The following NSUN6 variants were observed in gnomAD, a reference collection of about 807,000 sequenced individuals.
The protein encoded by NSUN6 is tRNA (cytosine(72)-C(5))-methyltransferase NSUN6.
A neutral mutation model predicts 58.0 loss-of-function variants in NSUN6; 64 were observed. That is an observed-to-expected ratio of 1.10 (90% CI 0.90 to 1.36). The LOEUF is 1.36. NSUN6 is among the 40% of genes most tolerant of loss of function. The probability of loss-of-function intolerance (pLI) is 0.00; values close to 1 mark genes in which losing one functional copy is unlikely to be tolerated. For synonymous variants in NSUN6, 231 were observed against 193.9 expected, an observed-to-expected ratio of 1.19 and a Z score of -1.59; for missense variants, 701 against 550.1, an observed-to-expected ratio of 1.27 and a Z score of -2.74.
chr10:18,616,007 T>C (rs1253345050), intron 4 of NSUN6, among the ~76,000 whole-genome samples, 177 bp downstream of exon 4: 1 of 151,562 alleles, frequency 6.6e-6, no homozygotes, highest in East Asian at 1.9e-4. Flanking sequence ...TCAGAAAACC[T>C]TATATGATGA....
intron 3 of NSUN6, among the ~76,000 whole-genome samples, chr10:18,619,050 G>A (rs1766239158): frequency 6.6e-6 from 1 of 152,132 alleles, no homozygotes; most frequent in African/African-American, 2.4e-5. Context: ...TGCCAGAGAG[G>A]TCTATTTGTT....
intron 7 of NSUN6, among the ~76,000 whole-genome samples, chr10:18,591,324 T>A (rs1162556886): frequency 1.3e-5 from 2 of 152,182 alleles, no homozygotes; most frequent in African/African-American, 4.8e-5. Context: ...GCTGGCACCA[T>A]TCCTTCTGAA....
chr10:18,548,416 G>C (rs1412590909), intron 9 of NSUN6, among the ~76,000 whole-genome samples, 179 bp from the exon 10 acceptor site: 1 of 152,110 alleles, frequency 6.6e-6, no homozygotes, highest in South Asian at 2.1e-4. Flanking sequence ...GCCTAGACTA[G>C]GTGCATTTCA....
intron 8 of NSUN6, among the ~76,000 whole-genome samples, chr10:18,571,730 A>ATTCCATTCCCTATTCCATTCCG (rs2056377424): frequency 6.7e-6 from 1 of 149,726 alleles, no homozygotes; most frequent in Non-Finnish European, 1.5e-5. Flanking sequence ...ATTCCATTCC[A>ATTCCATTCCCTATTCCATTCCG]CATTCCATTC....
At chr10:18,650,031 A>G (rs2059658523) in intron 1 of NSUN6, among the ~76,000 whole-genome samples, 1 of 152,204 alleles carries the variant, frequency 6.6e-6, no homozygotes, top group Non-Finnish European at 1.5e-5. Context: ...AAAGATTTCA[A>G]AAAAAACAAA....
Position 18,626,036 on chromosome 10 carries a change from G to C in NSUN6, c.312-9743C>G, listed in dbSNP as rs114134421. Among the ~76,000 whole-genome samples the C allele has an allele frequency of 4.9e-3, 752 of 152,216 alleles. 4 individuals carry two copies. The highest frequency in any genetic ancestry group is 0.017 in the African/African-American group (723 of 41,522). ...CAGGCAGACATTCTCAATCAAGAAA[G>C]TAACGCAGTACGTAAGAGTCACACT... On this transcript the variant is annotated intron_variant, in intron 3 of 10. Transcript: ENST00000377304.
chr10:18,601,783 C>A (rs566629672), intron 6 of NSUN6, among the ~76,000 whole-genome samples: 2 of 152,014 alleles, frequency 1.3e-5, no homozygotes, highest in Admixed American at 6.5e-5. Context: ...GAGTTCGAGA[C>A]CAACCTGGCC....
chr10:18,648,298 A>G (rs1330601721), intron 2 of NSUN6, among the ~76,000 whole-genome samples, 192 bp downstream of exon 2: 1 of 152,234 alleles, frequency 6.6e-6, no homozygotes, highest in Non-Finnish European at 1.5e-5. Context: ...GAATAAATTT[A>G]GAATCAGAAG....
chr10:18,631,410 T>G (rs1387493216), intron 3 of NSUN6, among the ~76,000 whole-genome samples: 1 of 141,522 alleles, frequency 7.1e-6, no homozygotes, highest in Admixed American at 7.3e-5. Context: ...CCAGGGCAAT[T>G]AGGCAGGAGA....
intron 3 of NSUN6, among the ~76,000 whole-genome samples, chr10:18,633,543 C>T (rs7077692): frequency 0.56 from 85,607 of 151,836 alleles, 24,675 homozygotes; most frequent in East Asian, 0.97. Flanking sequence ...TTGAGCCAAA[C>T]CTAGTTTCTC....
chr10:18,601,436 T>G lies in NSUN6; in HGVS notation c.658-5109A>C, dbSNP rs74600292. ...CCTGGATTTCAACTTGAACCCTTTGTTCCAAGGAACCGAGTGTTTCAGTGT... is the reference window on the plus strand; with the variant it reads ...CCTGGATTTCAACTTGAACCCTTTGGTCCAAGGAACCGAGTGTTTCAGTGT... On this transcript the variant is annotated intron_variant, in intron 6 of 10. Transcript: ENST00000377304. Among the ~76,000 whole-genome samples, 1,320 of 152,274 alleles carry G rather than the reference T, an allele frequency of 8.7e-3. 6 individuals are homozygous for G. Among genetic ancestry groups the G allele is most frequent in the Non-Finnish European group, 0.014 (958 of 68,010 alleles).
chr10:18,581,465 A>C (rs918133426), intron 8 of NSUN6, among the ~76,000 whole-genome samples: 1 of 152,162 alleles, frequency 6.6e-6, no homozygotes, highest in African/African-American at 2.4e-5. Context: ...TTAACCTATA[A>C]GGTCTAAAAA....
chr10:18,562,734 AATG>A, intron 8 of NSUN6, among the ~76,000 whole-genome samples: 1 of 151,280 alleles, frequency 6.6e-6, no homozygotes, highest in African/African-American at 2.4e-5. Context: ...TGCGAAATGG[AATG>A]GAATGGAGAA....
intron 3 of NSUN6, among the ~76,000 whole-genome samples, chr10:18,637,991 T>C (rs547056053): frequency 3.9e-5 from 6 of 152,144 alleles, no homozygotes; most frequent in African/African-American, 1.4e-4. Flanking sequence ...AGAAACAAAA[T>C]TGGGAGGTGG....
chr10:18,591,003 G>T (rs1174560827), intron 7 of NSUN6, among the ~76,000 whole-genome samples: 1 of 152,046 alleles, frequency 6.6e-6, no homozygotes, highest in Non-Finnish European at 1.5e-5. Flanking sequence ...GACTAACACA[G>T]AAGAAAACAA....
intron 9 of NSUN6, 107 bp downstream of exon 9, chr10:18,551,716 A>T: frequency 1.1e-6 from 1 of 881,656 alleles, no homozygotes; most frequent in Non-Finnish European, 1.8e-6. Context: ...GGTTGTTCCC[A>T]CCTTTTGGCT....
At chr10:18,565,748 G>A (rs181739160) in intron 8 of NSUN6, among the ~76,000 whole-genome samples, 84 of 135,654 alleles carry the variant, frequency 6.2e-4, no homozygotes, top group African/African-American at 2.1e-3. Flanking sequence ...TCCATTCCAC[G>A]CTCCATTTCA....
intron 2 of NSUN6, among the ~76,000 whole-genome samples, chr10:18,646,738 G>A (rs995226163): frequency 6.6e-6 from 1 of 152,122 alleles, no homozygotes; most frequent in Non-Finnish European, 1.5e-5. Flanking sequence ...GGTTGAGGCA[G>A]GAGAATCGCT....
intron 3 of NSUN6, among the ~76,000 whole-genome samples, chr10:18,618,158 T>C (rs2058478160): frequency 1.3e-5 from 2 of 152,316 alleles, no homozygotes; most frequent in African/African-American, 4.8e-5. Flanking sequence ...CATATCTCTT[T>C]GTGATTACTG....
Sources: gnomAD v4.1 joint callset for allele counts (sites outside exome capture counted in the v4.1 genomes callset) on GRCh38, gnomAD v4.1.1 for gene constraint, MANE v1.5 for transcripts, NCBI Gene and HGNC (gene_info 2026-07-23, HGNC 2026-07-21) for gene names.